The following YAP1 variants were observed in gnomAD, a reference collection of about 807,000 sequenced individuals.
The protein encoded by YAP1 is Yes1 associated transcriptional regulator.
A neutral mutation model predicts 56.9 loss-of-function variants in YAP1; 5 were observed. That is an observed-to-expected ratio of 0.09 (90% CI 0.05 to 0.18). The LOEUF (loss-of-function observed/expected upper bound fraction) is 0.18, where lower values mean the gene tolerates loss of function less well. YAP1 is among the 10% of genes least tolerant of loss of function. The pLI is 1.00. For synonymous variants in YAP1, 265 were observed against 248.1 expected (o/e 1.07, Z -0.64); for missense variants, 539 against 651.8 (o/e 0.83, Z 1.88).
chr11:102,206,197 A>C, intron 5 of YAP1, 123 bp downstream of exon 5: 1 of 1,197,926 alleles, frequency 8.3e-7, no homozygotes, highest in Non-Finnish European at 1.2e-6. Context: ...ACTGAGTGAC[A>C]CAGAAGCATT....
chr11:102,131,132 A>T (rs538614094), intron 2 of YAP1, among the ~76,000 whole-genome samples: 1 of 152,254 alleles, frequency 6.6e-6, no homozygotes, highest in East Asian at 1.9e-4. Context: ...CTCAAAAAAG[A>T]CCCACATGGT....
rs1336417218 is a variant in YAP1 at position 102,231,207 on chromosome 11, G to A, written c.*1267G>A. On this transcript the variant is annotated 3_prime_UTR_variant, in exon 9 of 9. Coordinates refer to ENST00000282441, the MANE Select transcript of YAP1 (RefSeq NM_001130145.3). The stretch of plus-strand genomic sequence containing the variant: ...TCCCTTGGACTAATTTTTAAGTCTC[G>A]ATTGGAATTCAGTGAGTAGGTTCAT... 6 of 152,348 alleles carry A rather than the reference G, an allele frequency of 3.9e-5. No homozygotes were observed. Among genetic ancestry groups the A allele is most frequent in the East Asian group, 1.9e-4 (1 of 5,194 alleles). 9.4% of individuals were successfully genotyped at this position (152,348 alleles called of 1,614,324 possible). A position where few individuals can be genotyped will look rare whatever the true frequency, so the allele number is the denominator to read the frequency against.
chr11:102,129,230 C>T (rs2135217981), intron 2 of YAP1, among the ~76,000 whole-genome samples: 1 of 150,588 alleles, frequency 6.6e-6, no homozygotes, highest in Non-Finnish European at 1.5e-5. Context: ...TTGTTGATGT[C>T]ATAGAATAAT....
At chr11:102,221,928 T>C (rs1949953976) in intron 6 of YAP1, among the ~76,000 whole-genome samples, 1 of 152,096 alleles carries the variant, frequency 6.6e-6, no homozygotes, top group Admixed American at 6.6e-5. Context: ...TGTTGACAAA[T>C]TTAGCGAAAG....
chr11:102,117,132 A>G (rs151101065), intron 2 of YAP1, among the ~76,000 whole-genome samples: 81 of 152,306 alleles, frequency 5.3e-4, no homozygotes, highest in African/African-American at 1.8e-3. Flanking sequence ...CCTAACCATT[A>G]GTCAAAGATG....
chr11:102,179,535 A>G (rs911791256), intron 3 of YAP1, among the ~76,000 whole-genome samples: 4 of 152,144 alleles, frequency 2.6e-5, no homozygotes, highest in African/African-American at 4.8e-5. Context: ...CAGCCTCTTC[A>G]TGCTTGCCCC....
intron 4 of YAP1, among the ~76,000 whole-genome samples, chr11:102,189,183 A>AT (rs34403760): frequency 5.3e-5 from 8 of 151,886 alleles, no homozygotes; most frequent in South Asian, 2.1e-4. Flanking sequence ...ATAGGAGGTG[A>AT]TTTTTTTTCC....
At chr11:102,186,370 G>A (rs754909938) in intron 4 of YAP1, 23 of 396,712 alleles carry the variant, frequency 5.8e-5, no homozygotes, top group African/African-American at 3.2e-4. Context: ...CATAATGGCC[G>A]ACTAACCAGA....
At chr11:102,162,435 C>T in intron 2 of YAP1, 21 bp from the exon 3 acceptor site, 2 of 1,600,752 alleles carry the variant, frequency 1.2e-6, no homozygotes, top group Non-Finnish European at 1.7e-6. Flanking sequence ...TTTCCTAATG[C>T]AGTGGTTTGT....
chr11:102,195,359 G>A (rs751849380), intron 4 of YAP1, among the ~76,000 whole-genome samples: 3 of 152,210 alleles, frequency 2.0e-5, no homozygotes, highest in African/African-American at 4.8e-5. Flanking sequence ...TTGGAGGAGG[G>A]GGAAGTTGAA....
intron 2 of YAP1, among the ~76,000 whole-genome samples, chr11:102,138,812 C>CTAT (rs1944835723): frequency 6.6e-6 from 1 of 152,126 alleles, no homozygotes; most frequent in South Asian, 2.1e-4. Context: ...TATCTATATA[C>CTAT]ATAAATATAG....
Position 102,209,560 on chromosome 11 carries a change from G to A in YAP1, c.1028G>A (p.Cys343Tyr). 1 of 1,594,854 alleles carries A rather than the reference G, an allele frequency of 6.3e-7. No homozygotes were observed. The highest frequency in any genetic ancestry group is 8.5e-7 in the Non-Finnish European group (1 of 1,173,968). The change falls in exon 6 of 9, where the codon TGT (cysteine) becomes TAT (tyrosine). Residue 343 changes from cysteine to tyrosine, a missense_variant. Coordinates refer to ENST00000282441, the MANE Select transcript of YAP1 (RefSeq NM_001130145.3). ...CCCAGCACAGCAAATTCTCCAAAATGTCAGGTAGGCTCTTATCTGATGTTT... is the reference window on the plus strand; with the variant it reads ...CCCAGCACAGCAAATTCTCCAAAATATCAGGTAGGCTCTTATCTGATGTTT... ...INPSTANSPK[C>Y]QELALRSQLP...
chr11:102,121,505 G>A (rs893461151), intron 2 of YAP1, among the ~76,000 whole-genome samples: 7 of 151,896 alleles, frequency 4.6e-5, no homozygotes, highest in Admixed American at 1.3e-4. Flanking sequence ...TCTGAGTAGC[G>A]TGATGCAATC....
intron 4 of YAP1, among the ~76,000 whole-genome samples, chr11:102,196,813 T>C (rs1948598443): frequency 6.6e-6 from 1 of 152,178 alleles, no homozygotes; most frequent in Non-Finnish European, 1.5e-5. Flanking sequence ...GAGAAATACC[T>C]TTTGTATATT....
chr11:102,124,812 T>C (rs368258348), intron 2 of YAP1, among the ~76,000 whole-genome samples: 16 of 152,282 alleles, frequency 1.1e-4, no homozygotes, highest in African/African-American at 3.8e-4. Context: ...CTCAGCTTAC[T>C]GCAACCTCTG....
intron 3 of YAP1, among the ~76,000 whole-genome samples, chr11:102,172,649 T>C (rs1946984349): frequency 6.6e-6 from 1 of 152,044 alleles, no homozygotes; most frequent in African/African-American, 2.4e-5. Context: ...ATACAAACTA[T>C]GTGCCAGGCA....
At chr11:102,194,618 AC>A (rs1218989505) in intron 4 of YAP1, among the ~76,000 whole-genome samples, 1 of 152,236 alleles carries the variant, frequency 6.6e-6, no homozygotes, top group East Asian at 1.9e-4. Flanking sequence ...GGTAAAAGGT[AC>A]TAAACAATGT....
At chr11:102,182,371 A>G (rs529654752) in intron 3 of YAP1, among the ~76,000 whole-genome samples, 7 of 152,264 alleles carry the variant, frequency 4.6e-5, no homozygotes, top group African/African-American at 1.7e-4. Context: ...GTAATCCTAC[A>G]TTTCCCCCCT....
intron 2 of YAP1, among the ~76,000 whole-genome samples, chr11:102,148,133 T>C (rs776896041): frequency 2.9e-4 from 44 of 152,176 alleles, no homozygotes; most frequent in Non-Finnish European, 5.7e-4. Context: ...TTTACTCTGT[T>C]TTAAAATTCT....
Sources: allele counts gnomAD v4.1 joint callset (sites outside exome capture counted in the v4.1 genomes callset), GRCh38; gene constraint gnomAD v4.1.1; transcripts MANE v1.5; gene names NCBI Gene and HGNC (gene_info 2026-07-23, HGNC 2026-07-21).